Variants in OPA3 observed in about 807,000 individuals in gnomAD.
The protein encoded by OPA3 is outer mitochondrial membrane lipid metabolism regulator OPA3.
In OPA3, 6 loss-of-function variants were observed where a neutral mutation model predicts 4.0. The observed-to-expected ratio is 1.51, with a 90% CI of 0.83 to 2.99. The LOEUF (loss-of-function observed/expected upper bound fraction) is 2.99, where lower values mean the gene tolerates loss of function less well. OPA3 is among the 30% of genes most tolerant of loss of function. The pLI is 0.00. For missense variants in OPA3, 235 were observed against 256.2 expected (o/e 0.92, Z 0.56); for synonymous variants, 105 against 117.1 (o/e 0.90, Z 0.67).
chr19:45,546,433 C>G lies in OPA3; in HGVS notation c.*7081G>C, dbSNP rs1969249739. Reference sequence around the variant, plus strand: ...TGTCACATAATATATGAATTATACACTTTTAAAATACATAGAATTGTAAAT... The same window carrying G: ...TGTCACATAATATATGAATTATACAGTTTTAAAATACATAGAATTGTAAAT... On this transcript the variant is annotated 3_prime_UTR_variant, in exon 2 of 2. Transcript: ENST00000263275. The G allele has an allele frequency of 1.8e-6, 1 of 559,666 alleles. No homozygotes were observed. Among genetic ancestry groups the G allele is most frequent in the South Asian group, 8.1e-5 (1 of 12,390 alleles). 34.7% of individuals were successfully genotyped at this position (559,666 alleles called of 1,614,324 possible).
intron 1 of OPA3, among the ~76,000 whole-genome samples, chr19:45,579,607 G>T (rs528896754): frequency 6.6e-6 from 1 of 152,224 alleles, no homozygotes; most frequent in South Asian, 2.1e-4. Flanking sequence ...CCTGCCTGTT[G>T]TATCTATAAC....
chr19:45,539,758 A>G (rs1352099635), intron 1 of OPA3, among the ~76,000 whole-genome samples: 1 of 152,118 alleles, frequency 6.6e-6, no homozygotes, highest in Non-Finnish European at 1.5e-5. Context: ...TGTCTCAAAA[A>G]AAAAAAAAAG....
At chr19:45,566,979 G>A (rs1029224960) in intron 1 of OPA3, among the ~76,000 whole-genome samples, 1 of 151,966 alleles carries the variant, frequency 6.6e-6, no homozygotes, top group African/African-American at 2.4e-5. Flanking sequence ...ATTAAACAAA[G>A]CATGGCATAT....
In OPA3 at chr19:45,540,583, A is replaced by G. The variant is rs374670212; in HGVS notation, c.143-11127T>C. 1.0e-3 allele frequency among the ~76,000 whole-genome samples: 132 copies of G among 129,710 alleles called. No individual in the cohort carries two copies. In the Middle Eastern group the frequency reaches 0.013, roughly 13 times the overall value. The allele number at this position is 129,710 out of a possible 152,430, so 85.1% of individuals were successfully genotyped here. On this transcript the variant is annotated intron_variant, in intron 1 of 1. Coordinates refer to the OPA3 transcript ENST00000323060. ...CTCAGAAAGAAAAAAAAAAAAAAAA[A>G]GGGGGCCAGGCACGGTGGCTCATAC...
At chr19:45,567,560 T>C (rs1568407118) in intron 1 of OPA3, among the ~76,000 whole-genome samples, 1 of 152,072 alleles carries the variant, frequency 6.6e-6, no homozygotes, top group Non-Finnish European at 1.5e-5. Context: ...AATGACGATG[T>C]TTTATATCTT....
intron 1 of OPA3, among the ~76,000 whole-genome samples, chr19:45,539,937 G>A (rs1392384572): frequency 6.6e-6 from 1 of 152,172 alleles, no homozygotes; most frequent in African/African-American, 2.4e-5. Context: ...ATCTTTTGGA[G>A]ATGATGGAAA....
intron 1 of OPA3, among the ~76,000 whole-genome samples, chr19:45,530,496 TTTTA>T (rs1030785937): frequency 6.6e-6 from 1 of 151,846 alleles, no homozygotes; most frequent in Non-Finnish European, 1.5e-5. Context: ...TACTGTTTAT[TTTTA>T]TTTATGTATG....
At chr19:45,584,469 G>T in intron 1 of OPA3, 154 bp downstream of exon 1, 1 of 967,594 alleles carries the variant, frequency 1.0e-6, no homozygotes, top group Non-Finnish European at 1.2e-6. Context: ...TGGGCCACCC[G>T]TACGCCCCTC....
At chr19:45,577,800 T>C (rs1005401885) in intron 1 of OPA3, among the ~76,000 whole-genome samples, 1 of 118,052 alleles carries the variant, frequency 8.5e-6, no homozygotes, top group African/African-American at 5.2e-5. Context: ...ATGTTCAACA[T>C]GAATCCAATC....
In OPA3 at chr19:45,549,258, G is replaced by A. The variant is rs1969297031; in HGVS notation, c.*4256C>T. 2.2e-5 allele frequency: 22 copies of A among 985,422 alleles called. No homozygotes were observed. Among genetic ancestry groups the A allele is most frequent in the Non-Finnish European group, 2.7e-5 (22 of 829,942 alleles). The allele number at this position is 985,422 out of a possible 1,614,324, so 61.0% of individuals were successfully genotyped here. ...GCAGTGAACCATCCTCTGGCCTCTT[G>A]CATTTTGAGAGGACGTTCTTTCCAC... On this transcript the variant is annotated 3_prime_UTR_variant, in exon 2 of 2. Coordinates refer to ENST00000263275, the MANE Select transcript of OPA3 (RefSeq NM_025136.4).
intron 1 of OPA3, among the ~76,000 whole-genome samples, chr19:45,532,210 C>A (rs953664442): frequency 8.5e-5 from 13 of 152,192 alleles, no homozygotes; most frequent in Non-Finnish European, 1.8e-4. Context: ...CATCATGTCA[C>A]TTATCATTGC....
At chr19:45,529,510 C>T in intron 1 of OPA3, 1 of 1,603,288 alleles carries the variant, frequency 6.2e-7, no homozygotes, top group East Asian at 2.2e-5. Context: ...TCCTATAAGC[C>T]CCGACCCTCT....
At chr19:45,541,150 G>A (rs1969181432) in intron 1 of OPA3, among the ~76,000 whole-genome samples, 1 of 152,154 alleles carries the variant, frequency 6.6e-6, no homozygotes, top group African/African-American at 2.4e-5. Context: ...TGGGAACCCA[G>A]GCTCCTTCTC....
chr19:45,529,256 G>C (rs762247018), exon 2 of OPA3: 1 of 1,613,724 alleles, frequency 6.2e-7, no homozygotes, highest in East Asian at 2.2e-5. Context: ...GCAACACGTC[G>C]CTCCTTTTCC....
At position 45,550,760 on chromosome 19, in the gene OPA3, G is replaced by C; in HGVS notation, c.*2754C>G. 1 of 985,872 alleles carries C rather than the reference G, an allele frequency of 1.0e-6. No individual in the cohort carries two copies. The highest frequency in any genetic ancestry group is 1.2e-6 in the Non-Finnish European group (1 of 829,998). The allele number at this position is 985,872 out of a possible 1,614,324, so 61.1% of individuals were successfully genotyped here. On this transcript the variant is annotated 3_prime_UTR_variant, in exon 2 of 2. Transcript: ENST00000263275. ...AGATCCACATGGTGGTTCAGGTACA[G>C]CCTCAGGATGCCTTCATCACCTTGC...
chr19:45,577,604 C>G (rs1268835701), intron 1 of OPA3, among the ~76,000 whole-genome samples: 2 of 152,198 alleles, frequency 1.3e-5, no homozygotes, highest in Non-Finnish European at 2.9e-5. Context: ...ATCCTGCTGG[C>G]TCTACCTTGT....
chr19:45,529,382 C>G (rs759861826), exon 2 of OPA3: 4 of 1,614,116 alleles, frequency 2.5e-6, no homozygotes, highest in Non-Finnish European at 3.4e-6. Flanking sequence ...GCTGCACCCT[C>G]GTTCAGCGGC....
chr19:45,549,070 G>A lies in OPA3; in HGVS notation c.*4444C>T. On this transcript the variant is annotated 3_prime_UTR_variant, in exon 2 of 2. Coordinates refer to ENST00000263275, the MANE Select transcript of OPA3 (RefSeq NM_025136.4). ...TCCACCCACCCTGGCCTCCCAAAGT[G>A]CTAGGATTACAGGTGTGAGCCACTG... 1.0e-6 allele frequency: 1 copy of A among 968,180 alleles called. No homozygotes were observed. Among genetic ancestry groups the A allele is most frequent in the Non-Finnish European group, 1.2e-6 (1 of 814,372 alleles). The allele number at this position is 968,180 out of a possible 1,614,324, so 60.0% of individuals were successfully genotyped here.
intron 1 of OPA3, among the ~76,000 whole-genome samples, chr19:45,567,983 T>C (rs1401626156): frequency 6.6e-6 from 1 of 152,130 alleles, no homozygotes; most frequent in Non-Finnish European, 1.5e-5. Flanking sequence ...AGTCAGATGA[T>C]GATGATGATG....
Sources: gnomAD v4.1 joint callset for allele counts (sites outside exome capture counted in the v4.1 genomes callset) on GRCh38, gnomAD v4.1.1 for gene constraint, MANE v1.5 for transcripts, NCBI Gene and HGNC (gene_info 2026-07-23, HGNC 2026-07-21) for gene names.